Variants in TXNL4B observed in about 807,000 individuals in gnomAD.
TXNL4B encodes thioredoxin-like protein 4B.
A neutral mutation model predicts 13.0 loss-of-function variants in TXNL4B; 12 were observed. The observed-to-expected ratio is 0.92, with a 90% CI of 0.59 to 1.49. The LOEUF is 1.49. Among genes scored for constraint, TXNL4B ranks in the 40% most tolerant of loss-of-function variants. TXNL4B has a pLI of 0.00. For missense variants in TXNL4B, 214 were observed against 173.6 expected (o/e 1.23, Z -1.31); for synonymous variants, 59 against 58.9 (o/e 1.00, Z -0.01).
At chr16:72,090,147 T>C (rs1343852833) in intron 2 of TXNL4B, 1 of 456,142 alleles carries the variant, frequency 2.2e-6, no homozygotes, top group Non-Finnish European at 4.4e-6. Flanking sequence ...TAGGTCTCTC[T>C]CTGCATCAGG....
chr16:72,092,416 C>T (rs1383969861), intron 1 of TXNL4B, among the ~76,000 whole-genome samples: 3 of 121,976 alleles, frequency 2.5e-5, no homozygotes, highest in Non-Finnish European at 5.1e-5. Flanking sequence ...GAAGCTCCGT[C>T]TCCAAAAAAA....
In TXNL4B at chr16:72,088,994, C is replaced by A; in HGVS notation, c.277G>T (p.Asp93Tyr). Residue 93 changes from aspartate (D) to tyrosine (Y), a missense_variant, in exon 3 of 4, where the codon GAT becomes TAT. Transcript: ENST00000268483. ...CAGATCAACTGCACTTACCCATAAT[C>A]CACTTTCATATGCTGCCCATTGAAG... ...FFFNGQHMKV[D>Y]YGSPDHTKFV... The A allele has an allele frequency of 1.2e-6, 2 of 1,601,746 alleles. No homozygotes were observed. The highest frequency in any genetic ancestry group is 1.7e-6 in the Non-Finnish European group (2 of 1,170,826).
At position 72,093,518 on chromosome 16, in the gene TXNL4B, C is replaced by G. The variant is rs1006472173; in HGVS notation, c.-189G>C. 6.6e-6 allele frequency: 1 copy of G among 152,318 alleles called. No homozygotes were observed. The highest frequency in any genetic ancestry group is 2.4e-5 in the African/African-American group (1 of 41,474). The allele number at this position is 152,318 out of a possible 1,614,324, so 9.4% of individuals were successfully genotyped here. ...ACCCAGGGGCTGTTGCCTAGCAACC[C>G]TCGTGGCCCCGCTAGCGGGAAGGAA... On this transcript the variant is annotated 5_prime_UTR_variant, in exon 1 of 4. Transcript: ENST00000268483.
intron 3 of TXNL4B, chr16:72,087,214 T>G (rs1416030136): frequency 6.5e-6 from 1 of 155,012 alleles, no homozygotes; most frequent in Non-Finnish European, 1.4e-5. Context: ...AAAAAATTGA[T>G]TTTTTAGAAA....
chr16:72,089,853 G>A (rs2041877003), intron 2 of TXNL4B, among the ~76,000 whole-genome samples: 1 of 152,178 alleles, frequency 6.6e-6, no homozygotes. Context: ...TTTATAGATA[G>A]GGAAACTGAG....
At chr16:72,089,819 G>A (rs1295515533) in intron 2 of TXNL4B, among the ~76,000 whole-genome samples, 1 of 152,140 alleles carries the variant, frequency 6.6e-6, no homozygotes. Flanking sequence ...ATTCTTATAA[G>A]GTATATGCTA....
In TXNL4B at chr16:72,085,727, T is replaced by C. The variant is rs2041812816; in HGVS notation, c.*910A>G. ...TAACATAAAAAATAATTAAATGGGG[T>C]GCGCGCGGTGGCTCACGCCTATAAT... On this transcript the variant is annotated 3_prime_UTR_variant, in exon 4 of 4. Coordinates refer to ENST00000268483, the MANE Select transcript of TXNL4B (RefSeq NM_017853.3). The C allele has an allele frequency of 6.6e-6, 1 of 152,020 alleles. No homozygotes were observed. The highest frequency in any genetic ancestry group is 1.5e-5 in the Non-Finnish European group (1 of 67,992). 9.4% of individuals were successfully genotyped at this position (152,020 alleles called of 1,614,324 possible).
In TXNL4B at chr16:72,085,536, A is replaced by C. The variant is rs1162703905; in HGVS notation, c.*1101T>G. 1 of 152,326 alleles carries C rather than the reference A, an allele frequency of 6.6e-6. No homozygotes were observed. The highest frequency in any genetic ancestry group is 2.4e-5 in the African/African-American group (1 of 41,448). The allele number at this position is 152,326 out of a possible 1,614,324, so 9.4% of individuals were successfully genotyped here. ...GTGACATTTCTATCCAACAATGCTG[A>C]CATCTCTTTTAGTTTTGAGCCTTAG... On this transcript the variant is annotated 3_prime_UTR_variant, in exon 4 of 4. Transcript: ENST00000268483.
At position 72,086,626 on chromosome 16, in the gene TXNL4B, C is replaced by A. The variant is rs775389347; in HGVS notation, c.*11G>T. On this transcript the variant is annotated 3_prime_UTR_variant, in exon 4 of 4. Coordinates refer to ENST00000268483, the MANE Select transcript of TXNL4B (RefSeq NM_017853.3). Reference sequence around the variant, plus strand: ...GTGCCTTCTTCTTCATCTTTGACAGCAATTAATGTACTAAATGTCTTGATA... The same window carrying A: ...GTGCCTTCTTCTTCATCTTTGACAGAAATTAATGTACTAAATGTCTTGATA... The A allele has an allele frequency of 1.2e-6, 2 of 1,604,712 alleles. No homozygotes were observed. The highest frequency in any genetic ancestry group is 1.1e-5 in the South Asian group (1 of 90,542).
chr16:72,090,091 G>C (rs781106336), intron 2 of TXNL4B: 14 of 455,900 alleles, frequency 3.1e-5, no homozygotes, highest in Non-Finnish European at 5.7e-5. Flanking sequence ...GCTCTTACAC[G>C]GGATGGTAGC....
intron 3 of TXNL4B, among the ~76,000 whole-genome samples, 179 bp from the exon 4 acceptor site, chr16:72,086,981 A>G (rs555861526): frequency 6.6e-6 from 1 of 152,186 alleles, no homozygotes; most frequent in Non-Finnish European, 1.5e-5. Flanking sequence ...AAATGACTCA[A>G]CCCAGTGCTG....
chr16:72,092,457 T>C (rs929572002), intron 1 of TXNL4B, among the ~76,000 whole-genome samples: 3 of 151,086 alleles, frequency 2.0e-5, no homozygotes, highest in African/African-American at 7.3e-5. Flanking sequence ...AAAATTCACA[T>C]AGGAAATAAG....
At chr16:72,092,948 C>T (rs1260300006) in intron 1 of TXNL4B, among the ~76,000 whole-genome samples, 1 of 152,166 alleles carries the variant, frequency 6.6e-6, no homozygotes, top group African/African-American at 2.4e-5. Flanking sequence ...GACACAAAAC[C>T]TTTCTGGAAA....
intron 3 of TXNL4B, among the ~76,000 whole-genome samples, chr16:72,088,223 C>A (rs986134331): frequency 6.6e-6 from 1 of 152,216 alleles, no homozygotes; most frequent in Non-Finnish European, 1.5e-5. Flanking sequence ...CTTGGCCTCC[C>A]AAAGTGCTGG....
rs776319779 is a variant in TXNL4B at position 72,089,152 on chromosome 16, G to C, written c.133-14C>G. 4.4e-6 allele frequency: 7 copies of C among 1,600,730 alleles called. No individual in the cohort carries two copies. The East Asian group carries it at 1.6e-4, about 36-fold the overall frequency. Reference sequence around the variant, plus strand: ...GGTCTTAGAAAGCTGCAAATGACGAGAGAGACAAAGGTTACAATATGAGAG... The same window carrying C: ...GGTCTTAGAAAGCTGCAAATGACGACAGAGACAAAGGTTACAATATGAGAG... On this transcript the variant is annotated splice_polypyrimidine_tract_variant and intron_variant, in intron 2 of 3. Transcript: ENST00000268483.
chr16:72,092,478 C>T (rs1348631029), intron 1 of TXNL4B, among the ~76,000 whole-genome samples: 1 of 151,960 alleles, frequency 6.6e-6, no homozygotes, highest in Non-Finnish European at 1.5e-5. Context: ...ATTGTTCCAG[C>T]TATAGGTCAT....
intron 3 of TXNL4B, among the ~76,000 whole-genome samples, chr16:72,087,739 A>G (rs971172276): frequency 6.6e-6 from 1 of 151,954 alleles, no homozygotes; most frequent in Non-Finnish European, 1.5e-5. Context: ...TTCTCTGCTC[A>G]CTGCAACCTC....
At chr16:72,092,306 A>C (rs1402241907) in intron 1 of TXNL4B, among the ~76,000 whole-genome samples, 1 of 152,138 alleles carries the variant, frequency 6.6e-6, no homozygotes, top group Admixed American at 6.6e-5. Flanking sequence ...CAAGCTACTC[A>C]GGAGGCTGAG....
At chr16:72,089,825 T>C (rs1217429795) in intron 2 of TXNL4B, among the ~76,000 whole-genome samples, 1 of 152,208 alleles carries the variant, frequency 6.6e-6, no homozygotes, top group Non-Finnish European at 1.5e-5. Flanking sequence ...ATAAGGTATA[T>C]GCTATCAGAG....
Sources: gnomAD v4.1 joint callset for allele counts (sites outside exome capture counted in the v4.1 genomes callset) on GRCh38, gnomAD v4.1.1 for gene constraint, MANE v1.5 for transcripts, NCBI Gene and HGNC (gene_info 2026-07-23, HGNC 2026-07-21) for gene names.